Variants in TVP23C observed in about 807,000 individuals in gnomAD.
The protein encoded by TVP23C is trans-golgi network vesicle protein 23 homolog C, also known as Golgi apparatus membrane protein TVP23 homolog C.
TVP23C carries 19 observed loss-of-function variants against 28.7 expected under a neutral mutation model. That is an observed-to-expected ratio of 0.66 (90% CI 0.46 to 0.97). The LOEUF is 0.97. Among genes scored for constraint, TVP23C ranks in the 50% least tolerant of loss-of-function variants. The probability of loss-of-function intolerance (pLI) is 0.00; values close to 1 mark genes in which losing one functional copy is unlikely to be tolerated. For synonymous variants in TVP23C, 68 were observed against 81.7 expected (o/e 0.83, Z 0.90); for missense variants, 186 against 241.3 (o/e 0.77, Z 1.52).
intron 5 of TVP23C, among the ~76,000 whole-genome samples, chr17:15,514,836 G>GTGAAACTGAGCAATGGGATCC (rs1982152619): frequency 6.6e-6 from 1 of 152,208 alleles, no homozygotes; most frequent in South Asian, 2.1e-4. Flanking sequence ...CAACACAGGT[G>GTGAAACTGAGCAATGGGATCC]TGAAACTGAG....
At chr17:15,516,275 G>T (rs8071082) in intron 5 of TVP23C, 39,610 of 152,584 alleles carry the variant, frequency 0.26, 5,872 homozygotes, top group African/African-American at 0.41. Context: ...GAAATACAGG[G>T]GTTGGTTGTG....
intron 1 of TVP23C, among the ~76,000 whole-genome samples, chr17:15,557,799 T>G (rs1279603866): frequency 1.4e-5 from 2 of 140,580 alleles, no homozygotes; most frequent in Admixed American, 7.4e-5. Flanking sequence ...CTGGAGAAGC[T>G]TTCTGGAGGA....
intron 5 of TVP23C, among the ~76,000 whole-genome samples, chr17:15,528,812 G>C (rs566483239): frequency 6.6e-6 from 1 of 151,112 alleles, no homozygotes; most frequent in African/African-American, 2.4e-5. Flanking sequence ...TGGCCAGGCT[G>C]GTCTCGAACT....
intron 5 of TVP23C, chr17:15,516,319 C>T (rs115087609): frequency 0.019 from 2,938 of 152,386 alleles, 99 homozygotes; most frequent in African/African-American, 0.064. Context: ...ACGGATGTAA[C>T]GGGGAGCAGG....
In TVP23C at chr17:15,536,983, C is replaced by T. The variant is rs1983182548; in HGVS notation, c.*3429G>A. On this transcript the variant is annotated 3_prime_UTR_variant, in exon 6 of 6. Coordinates refer to ENST00000518321, the MANE Select transcript of TVP23C (RefSeq NM_001135036.2). ...ACATGAGATTACACATGTCAAATGC[C>T]TTGTAAATAGTAGAATTTTATACAA... The T allele has an allele frequency of 3.9e-6, 1 of 256,318 alleles. No individual in the cohort carries two copies. Among genetic ancestry groups the T allele is most frequent in the Non-Finnish European group, 6.1e-6 (1 of 164,478 alleles). 15.9% of individuals were successfully genotyped at this position (256,318 alleles called of 1,614,324 possible).
chr17:15,520,977 A>G (rs1230752335), intron 5 of TVP23C, among the ~76,000 whole-genome samples: 5 of 151,716 alleles, frequency 3.3e-5, no homozygotes, highest in African/African-American at 1.2e-4. Flanking sequence ...TAGCAACAGA[A>G]AATGTAAAGT....
intron 5 of TVP23C, among the ~76,000 whole-genome samples, chr17:15,519,712 C>A (rs909131572): frequency 7.9e-5 from 12 of 152,038 alleles, no homozygotes; most frequent in African/African-American, 2.9e-4. Context: ...ACATCCAGAC[C>A]ATCCTGGCTA....
At chr17:15,518,908 G>C (rs74660283) in intron 5 of TVP23C, among the ~76,000 whole-genome samples, 19,857 of 152,176 alleles carry the variant, frequency 0.13, 1,394 homozygotes, top group Middle Eastern at 0.19. Flanking sequence ...TGGTGCGGGT[G>C]ACTGCATCAT....
chr17:15,506,034 C>T (rs542346290), intron 5 of TVP23C, among the ~76,000 whole-genome samples: 4 of 152,382 alleles, frequency 2.6e-5, no homozygotes, highest in African/African-American at 7.2e-5. Flanking sequence ...TGCTCCACAG[C>T]GCCCAGTTCC....
At chr17:15,527,795 A>G (rs1982788568) in intron 5 of TVP23C, among the ~76,000 whole-genome samples, 1 of 152,224 alleles carries the variant, frequency 6.6e-6, no homozygotes, top group Non-Finnish European at 1.5e-5. Flanking sequence ...ACTAAATACA[A>G]CAGCTTCTGC....
At chr17:15,509,064 G>A (rs899591909) in intron 5 of TVP23C, among the ~76,000 whole-genome samples, 2 of 152,250 alleles carry the variant, frequency 1.3e-5, no homozygotes, top group Admixed American at 6.5e-5. Flanking sequence ...TGCAGTTACT[G>A]AGGATGCATG....
chr17:15,539,828 T>G lies in TVP23C; in HGVS notation c.*584A>C. On this transcript the variant is annotated 3_prime_UTR_variant, in exon 6 of 6. Transcript: ENST00000518321. ...CAACATACAGGCTGGGCACGGTGGC[T>G]CACGCCTGTAATCCCAGCACTTTGG... is the stretch of plus-strand genomic sequence containing the variant. 1.0e-6 allele frequency: 1 copy of G among 966,152 alleles called. No individual in the cohort carries two copies. The highest frequency in any genetic ancestry group is 1.2e-6 in the Non-Finnish European group (1 of 812,604). 59.8% of individuals were successfully genotyped at this position (966,152 alleles called of 1,614,324 possible).
At chr17:15,519,258 A>G (rs1982366474) in intron 5 of TVP23C, among the ~76,000 whole-genome samples, 1 of 152,204 alleles carries the variant, frequency 6.6e-6, no homozygotes, top group Non-Finnish European at 1.5e-5. Flanking sequence ...AAACATGTAT[A>G]TGACATGGTC....
chr17:15,545,601 T>C (rs570052381), intron 5 of TVP23C, among the ~76,000 whole-genome samples, 184 bp downstream of exon 5: 1 of 152,418 alleles, frequency 6.6e-6, no homozygotes, highest in South Asian at 2.1e-4. Context: ...AGGGGTTTTT[T>C]AGGATCTCTT....
Position 15,557,316 on chromosome 17 carries a change from A to G in TVP23C, c.13-1952T>C, listed in dbSNP as rs1462087610. Among the ~76,000 whole-genome samples, 24 of 135,116 alleles carry G rather than the reference A, an allele frequency of 1.8e-4. No homozygotes were observed. The East Asian group carries it at 4.0e-3, about 22-fold the overall frequency. 88.6% of individuals were successfully genotyped at this position (135,116 alleles called of 152,430 possible). On this transcript the variant is annotated intron_variant, in intron 1 of 5. Coordinates refer to ENST00000518321, the MANE Select transcript of TVP23C (RefSeq NM_001135036.2). ...TTTTTTTTTTTTTTTTTTGAGACAG[A>G]GTCTTGCTCTGTCGCCCAGGCTGGA...
downstream of TVP23C, among the ~76,000 whole-genome samples, chr17:15,532,335 A>G (rs1280726010): frequency 2.0e-5 from 3 of 152,178 alleles, no homozygotes; most frequent in Non-Finnish European, 4.4e-5. Flanking sequence ...TGTGATTGGG[A>G]CTATTCCAGG....
chr17:15,558,975 G>A (rs1409698220), intron 1 of TVP23C, among the ~76,000 whole-genome samples: 1 of 146,848 alleles, frequency 6.8e-6, no homozygotes, highest in Non-Finnish European at 1.5e-5. Context: ...CCTGAGTACT[G>A]CAAGCCACCA....
intron 5 of TVP23C, chr17:15,507,295 G>A (rs1453756062): frequency 2.0e-5 from 15 of 760,640 alleles, no homozygotes; most frequent in Admixed American, 5.2e-5. Context: ...GAGCGCTTTC[G>A]GTCCAGGAAT....
At chr17:15,530,079 G>A (rs1409650532) in intron 5 of TVP23C, among the ~76,000 whole-genome samples, 2 of 152,134 alleles carry the variant, frequency 1.3e-5, no homozygotes, top group Non-Finnish European at 2.9e-5. Context: ...GATTACAGGC[G>A]TGAGCCACTG....
Sources: gnomAD v4.1 joint callset for allele counts (sites outside exome capture counted in the v4.1 genomes callset) on GRCh38, gnomAD v4.1.1 for gene constraint, MANE v1.5 for transcripts, NCBI Gene and HGNC (gene_info 2026-07-23, HGNC 2026-07-21) for gene names.